TRIM2: variants seen among roughly 807,000 people sequenced by gnomAD.
TRIM2 encodes tripartite motif containing 2.
In TRIM2, 20 loss-of-function variants were observed where a neutral mutation model predicts 75.2. That is an observed-to-expected ratio of 0.27 (90% CI 0.19 to 0.39). TRIM2 has a LOEUF of 0.39. Among genes scored for constraint, TRIM2 ranks in the 10% least tolerant of loss-of-function variants. TRIM2 has a pLI of 1.00. For synonymous variants in TRIM2, 373 were observed against 388.3 expected (o/e 0.96, Z 0.46); for missense variants, 660 against 990.8 (o/e 0.67, Z 4.48).
intron 6 of TRIM2, among the ~76,000 whole-genome samples, chr4:153,308,964 T>G (rs1765639234): frequency 6.6e-6 from 1 of 152,160 alleles, no homozygotes; most frequent in South Asian, 2.1e-4. Flanking sequence ...GAGAATCTCA[T>G]CCTTGGGAAC....
At chr4:153,163,626 G>A (rs201060354) in intron 1 of TRIM2, among the ~76,000 whole-genome samples, 4 of 144,720 alleles carry the variant, frequency 2.8e-5, no homozygotes, top group East Asian at 2.1e-4. Context: ...CTCAGCCTCC[G>A]GAGTAGCTGG....
intron 1 of TRIM2, among the ~76,000 whole-genome samples, chr4:153,171,840 C>CTTTTTT (rs398064151): frequency 0.25 from 27,651 of 111,398 alleles, 3,258 homozygotes; most frequent in East Asian, 0.36. Flanking sequence ...CGTTTTGGGG[C>CTTTTTT]TTTTTTTTTT....
intron 1 of TRIM2, among the ~76,000 whole-genome samples, chr4:153,194,765 G>A (rs982854773): frequency 2.0e-5 from 3 of 152,198 alleles, no homozygotes; most frequent in African/African-American, 7.2e-5. Context: ...CTTCTCCTAA[G>A]ATTTGATAAA....
chr4:153,244,355 C>CTTCTTCTTCTTTCT (rs1748079616), intron 1 of TRIM2, among the ~76,000 whole-genome samples: 1 of 12,714 alleles, frequency 7.9e-5, no homozygotes, highest in Non-Finnish European at 1.3e-4. Context: ...CTTCTTCTTC[C>CTTCTTCTTCTTTCT]TCTTCTTCTT....
intron 1 of TRIM2, among the ~76,000 whole-genome samples, chr4:153,264,218 A>G (rs1754330904): frequency 6.6e-6 from 1 of 152,194 alleles, no homozygotes. Flanking sequence ...AGTCTTCCAT[A>G]TGAAAACTCT....
chr4:153,240,342 T>A (rs1746230262), intron 1 of TRIM2, among the ~76,000 whole-genome samples: 1 of 152,184 alleles, frequency 6.6e-6, no homozygotes, highest in African/African-American at 2.4e-5. Flanking sequence ...CACAATATCT[T>A]ATTTGGTAGT....
chr4:153,335,666 C>T lies in TRIM2; in HGVS notation c.*700C>T. The T allele has an allele frequency of 2.0e-6, 2 of 985,444 alleles. No homozygotes were observed. Among genetic ancestry groups the T allele is most frequent in the Non-Finnish European group, 2.4e-6 (2 of 829,938 alleles). 61.0% of individuals were successfully genotyped at this position (985,444 alleles called of 1,614,324 possible). ...TGTATCAGCAAACAAAGTACTTCTT[C>T]AGGGAAACCTGAAATTTCTAATGCC... On this transcript the variant is annotated 3_prime_UTR_variant, in exon 12 of 12. Coordinates refer to ENST00000338700, the MANE Select transcript of TRIM2 (RefSeq NM_015271.5).
At chr4:153,249,128 T>C (rs936460866) in intron 1 of TRIM2, among the ~76,000 whole-genome samples, 1 of 152,234 alleles carries the variant, frequency 6.6e-6, no homozygotes, top group Non-Finnish European at 1.5e-5. Flanking sequence ...ACCACTTGAA[T>C]CAGTTCTTTT....
At chr4:153,169,650 CA>C (rs199578986) in intron 1 of TRIM2, among the ~76,000 whole-genome samples, 2 of 151,526 alleles carry the variant, frequency 1.3e-5, no homozygotes, top group South Asian at 2.1e-4. Flanking sequence ...TACTAAAAAA[CA>C]AAAAAAATTA....
Position 153,243,691 on chromosome 4 carries a change from T to C in TRIM2, c.31-26644T>C, listed in dbSNP as rs1747270330. Among the ~76,000 whole-genome samples the C allele has an allele frequency of 2.0e-5, 3 of 152,202 alleles. No homozygotes were observed. In the South Asian group the frequency reaches 6.2e-4, roughly 32 times the overall value. On this transcript the variant is annotated intron_variant, in intron 1 of 11. Transcript: ENST00000338700. ...AGTCAGAGGGTATTATTGTGACATC[T>C]GACCTTGAGGACAGTTCAACATGTC...
At position 153,320,879 on chromosome 4, in the gene TRIM2, A is replaced by G. The variant is rs141988993; in HGVS notation, c.1783-1769A>G. Among the ~76,000 whole-genome samples the G allele has an allele frequency of 9.4e-3, 1,433 of 151,988 alleles. 18 individuals are homozygous for G. Among genetic ancestry groups the G allele is most frequent in the African/African-American group, 0.031 (1,268 of 41,450 alleles). ...ACTCCTGACCTCAAGTTATCCACCC[A>G]CCTCGGCCTCCCAAAGTGCTGGGAT... On this transcript the variant is annotated intron_variant, in intron 8 of 11. Transcript: ENST00000338700.
intron 1 of TRIM2, among the ~76,000 whole-genome samples, chr4:153,210,005 T>C (rs1359094249): frequency 1.3e-5 from 2 of 152,138 alleles, no homozygotes; most frequent in Non-Finnish European, 2.9e-5. Context: ...CAAGATACTT[T>C]CAAATCCATA....
rs1161450118 is a variant in TRIM2 at position 153,295,505 on chromosome 4, G to A, written c.979G>A (p.Asp327Asn). ...GCACCCGCGGGAGAACGACCAGCTG[G>A]ATTTCATCGTGGAAACCGAGGGGCT... is the stretch of plus-strand genomic sequence containing the variant. ...PLHPRENDQL[D>N]FIVETEGLKK... Residue 327 changes from aspartate to asparagine, a missense_variant, in exon 6 of 12, where the codon GAT becomes AAT. This residue lies in a region of TRIM2 where 620 missense variants were observed against 891.0 expected (regional missense o/e 0.70). Coordinates refer to ENST00000338700, the MANE Select transcript of TRIM2 (RefSeq NM_015271.5). The surrounding 1 kb of genome is among the most constrained non-coding windows in gnomAD (Gnocchi z 7.2). 6.2e-7 allele frequency: 1 copy of A among 1,614,144 alleles called. No homozygotes were observed. Among genetic ancestry groups the A allele is most frequent in the Non-Finnish European group, 8.5e-7 (1 of 1,180,016 alleles).
intron 1 of TRIM2, among the ~76,000 whole-genome samples, chr4:153,156,521 T>C (rs1410976208): frequency 6.6e-6 from 1 of 152,136 alleles, no homozygotes; most frequent in East Asian, 1.9e-4. Flanking sequence ...GTGATGTAGA[T>C]GGGGTGAGTG....
chr4:153,331,058 AT>A (rs2149592345), intron 11 of TRIM2, among the ~76,000 whole-genome samples: 1 of 152,334 alleles, frequency 6.6e-6, no homozygotes, highest in East Asian at 1.9e-4. Flanking sequence ...ACGGTGGCTC[AT>A]GCATGTAACG....
intron 1 of TRIM2, among the ~76,000 whole-genome samples, chr4:153,244,253 T>TTCCTCTTCCTCTTCCTCTTCC (rs1747734681): frequency 4.9e-5 from 1 of 20,218 alleles, no homozygotes; most frequent in African/African-American, 2.8e-4. Context: ...TTCCTCTTCT[T>TTCCTCTTCCTCTTCCTCTTCC]TCCTCCTCCT....
chr4:153,295,878 C>A lies in TRIM2; in HGVS notation c.1352C>A (p.Ser451Tyr). 6.2e-7 allele frequency: 1 copy of A among 1,613,858 alleles called. No individual in the cohort carries two copies. Among genetic ancestry groups the A allele is most frequent in the Non-Finnish European group, 8.5e-7 (1 of 1,179,898 alleles). The change falls in exon 6 of 12, where the codon TCC becomes TAC. Residue 451 changes from serine to tyrosine, a missense_variant. Ser to Tyr is a moderately radical substitution (Grantham distance 144). Coordinates refer to ENST00000338700, the MANE Select transcript of TRIM2 (RefSeq NM_015271.5). The surrounding 1 kb of genome is among the most constrained non-coding windows in gnomAD (Gnocchi z 7.2). Reference sequence around the variant, plus strand: ...CCGTTTAAGCTGAAAGTGATCCGATCCGCTGATGTGTCTCCCACCACAGAA... The same window carrying A: ...CCGTTTAAGCTGAAAGTGATCCGATACGCTGATGTGTCTCCCACCACAGAA... ...GSPFKLKVIR[S>Y]ADVSPTTEGV...
At position 153,315,355 on chromosome 4, in the gene TRIM2, CCTT is replaced by C. The variant is rs1432043866; in HGVS notation, c.1511-129_1511-127del. ...TTAGGTTATTGGGGAGGGAGGGTGC[CCTT>C]TTTTTAAAGTATATTTAAAAACAAT... On this transcript the variant is annotated intron_variant, in intron 6 of 11. Transcript: ENST00000338700. The C allele has an allele frequency of 7.5e-6, 5 of 670,188 alleles. No homozygotes were observed. In the African/African-American group the frequency reaches 9.3e-5, roughly 12 times the overall value. The allele number at this position is 670,188 out of a possible 1,614,324, so 41.5% of individuals were successfully genotyped here.
chr4:153,318,084 A>T (rs879288882), intron 8 of TRIM2, among the ~76,000 whole-genome samples: 1 of 152,368 alleles, frequency 6.6e-6, no homozygotes, highest in East Asian at 1.9e-4. Flanking sequence ...ACCCTGTCCA[A>T]AAAATGAAGT....
Sources: allele counts gnomAD v4.1 joint callset (sites outside exome capture counted in the v4.1 genomes callset), GRCh38; gene constraint gnomAD v4.1.1; regional missense constraint gnomAD v4.1.1; non-coding constraint Gnocchi (gnomAD v3.1); transcripts MANE v1.5; gene names NCBI Gene and HGNC (gene_info 2026-07-23, HGNC 2026-07-21).